Variants in ITGBL1 observed in about 807,000 individuals in gnomAD.
ITGBL1 encodes integrin subunit beta like 1.
ITGBL1 carries 51 observed loss-of-function variants against 68.5 expected under a neutral mutation model. The ratio of observed to expected loss-of-function variants is 0.74; its 90% CI spans 0.59 to 0.94. The LOEUF is 0.94. ITGBL1 is among the 40% of genes least tolerant of loss of function. The pLI, the probability that ITGBL1 is intolerant of heterozygous loss-of-function variation, is 0.00. For missense variants in ITGBL1, 649 were observed against 647.4 expected, an observed-to-expected ratio of 1.00 and a Z score of -0.03; for synonymous variants, 209 against 227.3, an observed-to-expected ratio of 0.92 and a Z score of 0.72.
intron 2 of ITGBL1, among the ~76,000 whole-genome samples, chr13:101,488,388 T>G (rs1299116073): frequency 1.3e-5 from 2 of 152,208 alleles, no homozygotes; most frequent in African/African-American, 2.4e-5. Context: ...TTCTTTACCT[T>G]TAAGTGGATT....
intron 7 of ITGBL1, among the ~76,000 whole-genome samples, chr13:101,613,600 A>C (rs1284302917): frequency 6.6e-6 from 1 of 152,174 alleles, no homozygotes; most frequent in Non-Finnish European, 1.5e-5. Flanking sequence ...ATGACAACTC[A>C]GGGAAGATGG....
chr13:101,608,532 C>T (rs796142859), intron 7 of ITGBL1, among the ~76,000 whole-genome samples: 10 of 151,980 alleles, frequency 6.6e-5, no homozygotes, highest in African/African-American at 2.4e-4. Flanking sequence ...AGTTAAGCAG[C>T]ATACCATATA....
intron 2 of ITGBL1, among the ~76,000 whole-genome samples, chr13:101,539,048 T>C (rs1394507879): frequency 7.8e-6 from 1 of 128,008 alleles, no homozygotes; most frequent in Non-Finnish European, 1.7e-5. Context: ...GCTGTGCTGC[T>C]TCTTTTTTTT....
chr13:101,590,122 C>T (rs1252229036), intron 6 of ITGBL1, among the ~76,000 whole-genome samples: 4 of 152,094 alleles, frequency 2.6e-5, no homozygotes, highest in Admixed American at 1.3e-4. Flanking sequence ...ACTTAAAAAA[C>T]GAAAAATTAT....
At chr13:101,636,913 T>C (rs2032188630) in intron 7 of ITGBL1, among the ~76,000 whole-genome samples, 1 of 152,210 alleles carries the variant, frequency 6.6e-6, no homozygotes, top group South Asian at 2.1e-4. Flanking sequence ...TCAAATTTTT[T>C]GTGAAGGAAT....
chr13:101,497,989 A>G (rs2048881951), intron 2 of ITGBL1, among the ~76,000 whole-genome samples: 1 of 152,050 alleles, frequency 6.6e-6, no homozygotes, highest in Non-Finnish European at 1.5e-5. Context: ...TTGTCTGATC[A>G]GGATGTTTTT....
chr13:101,611,870 T>A (rs1201043361), intron 7 of ITGBL1, among the ~76,000 whole-genome samples: 3 of 152,116 alleles, frequency 2.0e-5, no homozygotes, highest in Non-Finnish European at 4.4e-5. Context: ...ATAGCAGACT[T>A]TGTGTCTGGT....
At chr13:101,586,739 T>A (rs7325602) in intron 6 of ITGBL1, among the ~76,000 whole-genome samples, 2,031 of 152,272 alleles carry the variant, frequency 0.013, 47 homozygotes, top group African/African-American at 0.046. Context: ...CAGATTTTTT[T>A]AAAATAAAAC....
chr13:101,622,305 T>A (rs2031614415), intron 7 of ITGBL1, among the ~76,000 whole-genome samples: 1 of 152,170 alleles, frequency 6.6e-6, no homozygotes, highest in Admixed American at 6.6e-5. Context: ...TGATTATCCC[T>A]ACACAGCTAG....
Position 101,690,590 on chromosome 13 carries a change from G to C in ITGBL1, c.1016-1995G>C, listed in dbSNP as rs953150121. ...GTTTGCCTCTTTCTCCCCACAGCCT[G>C]CATTATTGGAATCATTTGCACATCC... is the stretch of plus-strand genomic sequence containing the variant. On this transcript the variant is annotated intron_variant, in intron 7 of 10. Coordinates refer to ENST00000376180, the MANE Select transcript of ITGBL1 (RefSeq NM_004791.3). Among the ~76,000 whole-genome samples the C allele has an allele frequency of 3.3e-5, 5 of 152,114 alleles. No homozygotes were observed. In the South Asian group the frequency reaches 1.0e-3, roughly 32 times the overall value.
Position 101,688,977 on chromosome 13 carries a change from T to C in ITGBL1, c.1016-3608T>C, listed in dbSNP as rs531085097. On this transcript the variant is annotated intron_variant, in intron 7 of 10. Coordinates refer to ENST00000376180, the MANE Select transcript of ITGBL1 (RefSeq NM_004791.3). ...ACTTTGGGAGGCCAAGGCGGGTGGA[T>C]TGCTTGAGGCCAGGAGTTCAAAACC... is the stretch of plus-strand genomic sequence containing the variant. 7.5e-4 allele frequency among the ~76,000 whole-genome samples: 114 copies of C among 151,880 alleles called. 1 individual carries two copies. The highest frequency in any genetic ancestry group is 2.6e-3 in the African/African-American group (108 of 41,450).
chr13:101,499,184 C>G (rs2048902686), intron 2 of ITGBL1, among the ~76,000 whole-genome samples: 1 of 152,160 alleles, frequency 6.6e-6, no homozygotes. Context: ...CTGCTTGTTT[C>G]CTGGCTATCT....
At chr13:101,479,089 T>C (rs918985974) in intron 2 of ITGBL1, among the ~76,000 whole-genome samples, 2 of 151,980 alleles carry the variant, frequency 1.3e-5, no homozygotes, top group African/African-American at 2.4e-5. Flanking sequence ...CCAAATAGTA[T>C]AGTACTAGCA....
chr13:101,632,522 A>C (rs1324841665), intron 7 of ITGBL1, among the ~76,000 whole-genome samples: 1 of 152,254 alleles, frequency 6.6e-6, no homozygotes, highest in East Asian at 1.9e-4. Flanking sequence ...GCAATGTCAC[A>C]TAGGTGTTAA....
At chr13:101,647,441 C>T (rs2032595626) in intron 7 of ITGBL1, among the ~76,000 whole-genome samples, 1 of 152,020 alleles carries the variant, frequency 6.6e-6, no homozygotes, top group South Asian at 2.1e-4. Context: ...TTTTAGCAGA[C>T]CAATGCTACT....
At chr13:101,500,196 CA>C in intron 2 of ITGBL1, among the ~76,000 whole-genome samples, 1 of 151,266 alleles carries the variant, frequency 6.6e-6, no homozygotes, top group Non-Finnish European at 1.5e-5. Context: ...TCCAACAAGC[CA>C]GAAAAAAAAA....
At chr13:101,627,472 G>A (rs1423051319) in intron 7 of ITGBL1, among the ~76,000 whole-genome samples, 1 of 151,820 alleles carries the variant, frequency 6.6e-6, no homozygotes, top group Non-Finnish European at 1.5e-5. Context: ...ATCCCCCAAA[G>A]TAATTATTAT....
chr13:101,505,092 A>G (rs1454779782), intron 2 of ITGBL1, among the ~76,000 whole-genome samples: 1 of 149,988 alleles, frequency 6.7e-6, no homozygotes. Context: ...TTTATTATAA[A>G]CATTTAAAGC....
intron 1 of ITGBL1, among the ~76,000 whole-genome samples, chr13:101,453,249 A>G (rs2048188941): frequency 6.6e-6 from 1 of 152,224 alleles, no homozygotes. Flanking sequence ...TGTAAAGCAG[A>G]ATGATCTGTT....
Sources: gnomAD v4.1 joint callset for allele counts (sites outside exome capture counted in the v4.1 genomes callset) on GRCh38, gnomAD v4.1.1 for gene constraint, MANE v1.5 for transcripts, NCBI Gene and HGNC (gene_info 2026-07-23, HGNC 2026-07-21) for gene names.